The following MTRR variants were observed in gnomAD, a reference collection of about 807,000 sequenced individuals.
MTRR encodes 5-methyltetrahydrofolate-homocysteine methyltransferase reductase.
MTRR carries 63 observed loss-of-function variants against 79.2 expected under a neutral mutation model. The observed-to-expected ratio is 0.80, with a 90% confidence interval of 0.65 to 0.98. The LOEUF is 0.98. Ranked by LOEUF, MTRR falls within the 50% of genes least tolerant of loss-of-function variation. The pLI is 0.00. For missense variants in MTRR, 895 were observed against 839.6 expected (o/e 1.07, Z -0.82); for synonymous variants, 355 against 313.3 (o/e 1.13, Z -1.41).
At chr5:7,885,594 C>T in intron 6 of MTRR, 107 bp from the exon 7 acceptor site, 18 of 980,062 alleles carry the variant, frequency 1.8e-5, no homozygotes, top group South Asian at 8.2e-5. Context: ...TTTCTGAGTT[C>T]ACATATTAAA....
intron 14 of MTRR, among the ~76,000 whole-genome samples, chr5:7,898,327 G>T (rs952443846): frequency 1.3e-5 from 2 of 152,174 alleles, no homozygotes; most frequent in African/African-American, 4.8e-5. Flanking sequence ...AGAGTTCATT[G>T]TACAGATCAC....
At chr5:7,854,253 G>A (rs954612415) in intron 1 of MTRR, among the ~76,000 whole-genome samples, 7 of 151,982 alleles carry the variant, frequency 4.6e-5, no homozygotes, top group Non-Finnish European at 1.0e-4. Context: ...AATTAATAGA[G>A]TAAGGACACA....
chr5:7,885,960 G>A (rs146946782), intron 7 of MTRR, 106 bp downstream of exon 7: 477 of 1,449,006 alleles, frequency 3.3e-4, no homozygotes, highest in Non-Finnish European at 4.2e-4. Context: ...TGGCCGCACA[G>A]ATGCCTGGGG....
chr5:7,887,431 C>T (rs1227835923), intron 8 of MTRR, among the ~76,000 whole-genome samples: 3 of 151,526 alleles, frequency 2.0e-5, no homozygotes, highest in Non-Finnish European at 4.4e-5. Context: ...GTAATTAGGC[C>T]GCCATCTCCC....
intron 11 of MTRR, chr5:7,893,158 T>C: frequency 3.8e-6 from 2 of 527,490 alleles, no homozygotes; most frequent in Middle Eastern, 1.1e-3. Flanking sequence ...GCTTGTCCTA[T>C]TCATGGAAAA....
At chr5:7,894,975 A>C (rs898113352) in intron 11 of MTRR, among the ~76,000 whole-genome samples, 4 of 152,204 alleles carry the variant, frequency 2.6e-5, no homozygotes, top group African/African-American at 7.2e-5. Flanking sequence ...CCATTCCTTC[A>C]TTTAAAAGGT....
intron 1 of MTRR, chr5:7,859,675 A>G: frequency 1.8e-6 from 1 of 552,828 alleles, no homozygotes; most frequent in Non-Finnish European, 3.2e-6. Flanking sequence ...TATCCCAACC[A>G]GCTTCTTCAT....
intron 1 of MTRR, among the ~76,000 whole-genome samples, chr5:7,855,007 C>A (rs1746197630): frequency 6.6e-6 from 1 of 152,150 alleles, no homozygotes; most frequent in Non-Finnish European, 1.5e-5. Context: ...GGAAATGCAG[C>A]AGATAGATAT....
intron 7 of MTRR, 171 bp from the exon 8 acceptor site, chr5:7,886,444 T>C: frequency 1.6e-6 from 1 of 616,538 alleles, no homozygotes; most frequent in African/African-American, 1.9e-5. Flanking sequence ...GTGGAGTTTT[T>C]TACTGTATTC....
At chr5:7,859,877 C>T (rs1746406408) in intron 1 of MTRR, among the ~76,000 whole-genome samples, 1 of 152,032 alleles carries the variant, frequency 6.6e-6, no homozygotes, top group Non-Finnish European at 1.5e-5. Flanking sequence ...TGATCTAGTG[C>T]TAAGAGGGAG....
intron 1 of MTRR, among the ~76,000 whole-genome samples, chr5:7,855,569 G>A (rs1326741995): frequency 7.9e-5 from 12 of 151,908 alleles, no homozygotes; most frequent in East Asian, 1.9e-4. Context: ...GAGCAGTGGC[G>A]TGATCATAGC....
chr5:7,879,386 C>G (rs561254970), intron 5 of MTRR, among the ~76,000 whole-genome samples: 13 of 146,620 alleles, frequency 8.9e-5, no homozygotes, highest in Non-Finnish European at 1.6e-4. Context: ...TGGGTTTTTT[C>G]CGGGAGGCGG....
upstream of MTRR, chr5:7,866,811 C>T: frequency 6.2e-7 from 1 of 1,614,128 alleles, no homozygotes; most frequent in South Asian, 1.1e-5. Flanking sequence ...AAAGCAGAGG[C>T]ATTTGGTGGC....
chr5:7,852,927 C>CCGGGCCCCGGGTTACT, intron 1 of MTRR, among the ~76,000 whole-genome samples: 1 of 152,094 alleles, frequency 6.6e-6, no homozygotes, highest in African/African-American at 2.4e-5. Flanking sequence ...AAAACTGAGA[C>CCGGGCCCCGGGTTACT]CGAGATAATT....
intron 12 of MTRR, chr5:7,896,661 C>A: frequency 1.6e-6 from 1 of 613,464 alleles, no homozygotes; most frequent in Non-Finnish European, 2.9e-6. Flanking sequence ...GCTGCCTCTC[C>A]ACACACTTGC....
chr5:7,883,030 C>T (rs1579700604), intron 5 of MTRR, 125 bp from the exon 6 acceptor site: 2 of 1,261,508 alleles, frequency 1.6e-6, no homozygotes, highest in South Asian at 1.2e-5. Context: ...CATTCATTTA[C>T]CTTGGAAATG....
In MTRR at chr5:7,900,086, G is replaced by C. The variant is rs1176343845; in HGVS notation, c.*28G>C. 6.2e-7 allele frequency: 1 copy of C among 1,610,972 alleles called. No individual in the cohort carries two copies. The stretch of plus-strand genomic sequence containing the variant: ...CCAGAAATTAAAGAAAGAGGATTAA[G>C]CTTTTTTGACTGAAAGTACTAAAAG... On this transcript the variant is annotated 3_prime_UTR_variant, in exon 15 of 15. Transcript: ENST00000440940.
chr5:7,897,105 C>T lies in MTRR; in HGVS notation c.1810C>T (p.His604Tyr), dbSNP rs1288365278. 3.7e-6 allele frequency: 6 copies of T among 1,614,116 alleles called. No homozygotes were observed. The highest frequency in any genetic ancestry group is 4.2e-6 in the Non-Finnish European group (5 of 1,180,004). ...RHFLKHGILT[H>Y]LKVSFSRDAP... ...TTTCCTTAAGCATGGGATCTTAACT[C>T]ATCTAAAGGTTTCCTTCTCAAGAGA... Residue 604 changes from histidine (H) to tyrosine (Y), a missense_variant, in exon 14 of 15, where the codon CAT becomes TAT. Coordinates refer to ENST00000440940, the MANE Select transcript of MTRR (RefSeq NM_002454.3).
At chr5:7,897,372 G>A (rs1738718254) in intron 14 of MTRR, 125 bp downstream of exon 14, 3 of 981,994 alleles carry the variant, frequency 3.1e-6, no homozygotes, top group African/African-American at 1.6e-5. Context: ...CTTAAGTACA[G>A]GAATAGAAAT....
Sources: gnomAD v4.1 joint callset for allele counts (sites outside exome capture counted in the v4.1 genomes callset) on GRCh38, gnomAD v4.1.1 for gene constraint, MANE v1.5 for transcripts, NCBI Gene and HGNC (gene_info 2026-07-23, HGNC 2026-07-21) for gene names.